Variants in DSCAM observed in about 807,000 individuals in gnomAD.
DSCAM encodes cell adhesion molecule DSCAM.
A neutral mutation model predicts 217.7 loss-of-function variants in DSCAM; 47 were observed. The observed-to-expected ratio is 0.22, with a 90% CI of 0.17 to 0.28. DSCAM has a LOEUF of 0.28. DSCAM is among the 10% of genes least tolerant of loss of function. The pLI is 1.00. For synonymous variants in DSCAM, 1,056 were observed against 1,015.3 expected (o/e 1.04, Z -0.76); for missense variants, 2,080 against 2,618.3 (o/e 0.79, Z 4.49).
intron 11 of DSCAM, among the ~76,000 whole-genome samples, chr21:40,213,344 C>T (rs1735833999): frequency 6.6e-6 from 1 of 152,188 alleles, no homozygotes; most frequent in Non-Finnish European, 1.5e-5. Flanking sequence ...GATCCTGCTG[C>T]TGCCTCACAG....
At chr21:40,822,867 C>T (rs967601704) in intron 1 of DSCAM, among the ~76,000 whole-genome samples, 2 of 152,098 alleles carry the variant, frequency 1.3e-5, no homozygotes, top group Non-Finnish European at 2.9e-5. Context: ...AATAACACTT[C>T]GGCCTGGCTC....
At chr21:40,662,495 A>G (rs1393698166) in intron 3 of DSCAM, among the ~76,000 whole-genome samples, 2 of 152,264 alleles carry the variant, frequency 1.3e-5, no homozygotes, top group Non-Finnish European at 2.9e-5. Context: ...CATGCATTGA[A>G]CAGCAGATAT....
intron 1 of DSCAM, among the ~76,000 whole-genome samples, chr21:40,727,594 G>A (rs976087514): frequency 6.6e-6 from 1 of 151,970 alleles, no homozygotes. Flanking sequence ...AATATACCCT[G>A]CATCTGCCTT....
chr21:40,245,468 C>T (rs916216999), intron 11 of DSCAM, among the ~76,000 whole-genome samples: 1 of 152,160 alleles, frequency 6.6e-6, no homozygotes, highest in African/African-American at 2.4e-5. Context: ...GGTGATTTCG[C>T]ATGAGGTTCC....
In DSCAM at chr21:40,846,628, A is replaced by G. The variant is rs2123703538; in HGVS notation, c.34T>C (p.Phe12Leu). 1 of 1,312,630 alleles carries G rather than the reference A, an allele frequency of 7.6e-7. No individual in the cohort carries two copies. Among genetic ancestry groups the G allele is most frequent in the East Asian group, 3.9e-5 (1 of 25,950 alleles). 81.3% of individuals were successfully genotyped at this position (1,312,630 alleles called of 1,614,324 possible). The stretch of plus-strand genomic sequence containing the variant: ...AAACCGAAAGGCTCACCATTCGCGA[A>G]GCTCTGGAACAAGGAGAGAGCCAGT... ...WILALSLFQSFANVFSEDLHS... is the reference protein window; with the variant it reads ...WILALSLFQSLANVFSEDLHS... Residue 12 changes from phenylalanine (F) to leucine (L), a missense_variant, in exon 1 of 33, where the codon TTC becomes CTC. Transcript: ENST00000400454.
intron 1 of DSCAM, among the ~76,000 whole-genome samples, chr21:40,785,439 A>G (rs1415701025): frequency 2.0e-5 from 3 of 152,234 alleles, no homozygotes; most frequent in Non-Finnish European, 4.4e-5. Context: ...AGTTTCCTAA[A>G]ATAAGGGCAG....
In DSCAM at chr21:40,620,360, AAAAG is replaced by A. The variant is rs1304984654; in HGVS notation, c.508+72446_508+72449del. The stretch of plus-strand genomic sequence containing the variant: ...AAGAAAGAAAGAGAAAGAGAGAGAA[AAAAG>A]AAAAAGAAAGAAAGAAAGAAAGAGA... On this transcript the variant is annotated intron_variant, in intron 3 of 32. Transcript: ENST00000400454. Among the ~76,000 whole-genome samples, 188 of 129,814 alleles carry A rather than the reference AAAAG, an allele frequency of 1.4e-3. 5 individuals are homozygous for A. Among genetic ancestry groups the A allele is most frequent in the African/African-American group, 4.8e-3 (169 of 35,138 alleles). 85.2% of individuals were successfully genotyped at this position (129,814 alleles called of 152,430 possible). A position where few individuals can be genotyped will look rare whatever the true frequency, so the allele number is the denominator to read the frequency against.
At chr21:40,379,874 T>C (rs2075002834) in intron 3 of DSCAM, among the ~76,000 whole-genome samples, 1 of 152,218 alleles carries the variant, frequency 6.6e-6, no homozygotes, top group South Asian at 2.1e-4. Context: ...TGGAGCCTAT[T>C]ATGTTTATGA....
At chr21:40,828,003 T>G (rs547554945) in intron 1 of DSCAM, among the ~76,000 whole-genome samples, 1 of 152,108 alleles carries the variant, frequency 6.6e-6, no homozygotes, top group East Asian at 1.9e-4. Context: ...GGTGACAAGA[T>G]GGGAGGTGGT....
intron 16 of DSCAM, among the ~76,000 whole-genome samples, chr21:40,158,355 A>G (rs149432264): frequency 6.6e-6 from 1 of 152,280 alleles, no homozygotes; most frequent in African/African-American, 2.4e-5. Flanking sequence ...GTGCCACTAC[A>G]CTGCATTCAG....
chr21:40,726,807 G>C (rs1424239938), intron 1 of DSCAM, among the ~76,000 whole-genome samples: 2 of 152,118 alleles, frequency 1.3e-5, no homozygotes, highest in Non-Finnish European at 2.9e-5. Flanking sequence ...GGTCATGTAG[G>C]CTCTGCCCTC....
intron 4 of DSCAM, among the ~76,000 whole-genome samples, chr21:40,367,112 T>G (rs529356487): frequency 1.5e-3 from 236 of 152,288 alleles, no homozygotes; most frequent in Non-Finnish European, 1.5e-3. Context: ...TGTGCAAACA[T>G]TACCAGCCAC....
intron 32 of DSCAM, among the ~76,000 whole-genome samples, chr21:40,018,130 A>G (rs536311336): frequency 7.2e-5 from 11 of 152,316 alleles, no homozygotes; most frequent in African/African-American, 2.4e-4. Context: ...ACCAGGGATT[A>G]TTTGCAAAAA....
At chr21:40,617,348 T>C (rs955209189) in intron 3 of DSCAM, among the ~76,000 whole-genome samples, 2 of 151,920 alleles carry the variant, frequency 1.3e-5, no homozygotes, top group African/African-American at 4.8e-5. Flanking sequence ...ATGGTCTCGA[T>C]CTCCTGACCT....
chr21:40,529,678 A>T (rs1187525129), intron 3 of DSCAM, among the ~76,000 whole-genome samples: 1 of 152,160 alleles, frequency 6.6e-6, no homozygotes, highest in Non-Finnish European at 1.5e-5. Flanking sequence ...CTCTTTCCAT[A>T]TAAGAATGTT....
At chr21:40,560,727 C>T (rs2076714014) in intron 3 of DSCAM, among the ~76,000 whole-genome samples, 1 of 152,206 alleles carries the variant, frequency 6.6e-6, no homozygotes, top group African/African-American at 2.4e-5. Context: ...CAACACAATG[C>T]ATTGTAGAGT....
chr21:40,313,836 C>A (rs981682932), intron 8 of DSCAM, among the ~76,000 whole-genome samples: 1 of 152,012 alleles, frequency 6.6e-6, no homozygotes, highest in African/African-American at 2.4e-5. Flanking sequence ...AGAGTACAAA[C>A]TAAGATGATT....
At chr21:40,131,395 GTTC>G (rs1332860552) in intron 19 of DSCAM, among the ~76,000 whole-genome samples, 9 of 152,138 alleles carry the variant, frequency 5.9e-5, no homozygotes, top group African/African-American at 1.9e-4. Flanking sequence ...TATTATTCTA[GTTC>G]TTCTCTTCTT....
intron 20 of DSCAM, among the ~76,000 whole-genome samples, chr21:40,116,973 GC>G (rs2089978398): frequency 8.4e-6 from 1 of 118,914 alleles, no homozygotes; most frequent in African/African-American, 3.3e-5. Context: ...TTGCACTCCA[GC>G]CTGGGTGACA....
Sources: allele counts gnomAD v4.1 joint callset (sites outside exome capture counted in the v4.1 genomes callset), GRCh38; gene constraint gnomAD v4.1.1; transcripts MANE v1.5; gene names NCBI Gene and HGNC (gene_info 2026-07-23, HGNC 2026-07-21).